NALF1: variants seen among roughly 807,000 people sequenced by gnomAD.
NALF1 encodes NALCN channel auxiliary factor 1.
In NALF1, 3 loss-of-function variants were observed where a neutral mutation model predicts 48.4. The ratio of observed to expected loss-of-function variants is 0.06; its 90% CI spans 0.03 to 0.16. NALF1 has a LOEUF of 0.16. Ranked by LOEUF, NALF1 falls within the 10% of genes least tolerant of loss-of-function variation. The pLI is 1.00. For missense variants in NALF1, 526 were observed against 571.5 expected (o/e 0.92, Z 0.81); for synonymous variants, 262 against 245.7 (o/e 1.07, Z -0.62).
At chr13:107,348,256 ATAATT>A (rs1306767627) in intron 1 of NALF1, among the ~76,000 whole-genome samples, 2 of 152,222 alleles carry the variant, frequency 1.3e-5, no homozygotes, top group African/African-American at 2.4e-5. Flanking sequence ...TATGGATCAA[ATAATT>A]TAATTTAGCT....
chr13:107,711,537 T>C (rs1875592270), intron 1 of NALF1, among the ~76,000 whole-genome samples: 1 of 152,194 alleles, frequency 6.6e-6, no homozygotes. Context: ...GGTTTCGCCA[T>C]GTTGGCCAGG....
intron 1 of NALF1, among the ~76,000 whole-genome samples, chr13:107,264,881 C>A (rs374711574): frequency 2.0e-5 from 3 of 152,182 alleles, no homozygotes; most frequent in African/African-American, 7.2e-5. Flanking sequence ...TCTAATTAAC[C>A]ATTCCATGAT....
At chr13:107,402,415 G>C (rs553518049) in intron 1 of NALF1, among the ~76,000 whole-genome samples, 18 of 152,282 alleles carry the variant, frequency 1.2e-4, no homozygotes, top group African/African-American at 4.3e-4. Flanking sequence ...TGCTGGCTTG[G>C]AGAGATCCAA....
chr13:107,837,577 G>A (rs1460966791), intron 1 of NALF1, among the ~76,000 whole-genome samples: 1 of 152,150 alleles, frequency 6.6e-6, no homozygotes, highest in Non-Finnish European at 1.5e-5. Context: ...GTCCTGAAAA[G>A]AGAGGGGAGA....
At chr13:107,599,379 G>A (rs371145648) in intron 1 of NALF1, among the ~76,000 whole-genome samples, 15 of 146,690 alleles carry the variant, frequency 1.0e-4, no homozygotes, top group Admixed American at 4.2e-4. Flanking sequence ...CCAAGATTGC[G>A]CCACTGCACT....
At chr13:107,785,095 CAT>C (rs764989379) in intron 1 of NALF1, among the ~76,000 whole-genome samples, 5 of 151,462 alleles carry the variant, frequency 3.3e-5, no homozygotes, top group South Asian at 2.1e-4. Flanking sequence ...TATACACACA[CAT>C]ATATATGTAT....
At chr13:107,677,769 T>C (rs1315279807) in intron 1 of NALF1, among the ~76,000 whole-genome samples, 1 of 152,172 alleles carries the variant, frequency 6.6e-6, no homozygotes, top group African/African-American at 2.4e-5. Context: ...TCAATGTATC[T>C]ATAGTCTGCG....
chr13:107,335,960 G>A lies in NALF1; in HGVS notation c.916-125205C>T, dbSNP rs564221643. Among the ~76,000 whole-genome samples, 3 of 151,982 alleles carry A rather than the reference G, an allele frequency of 2.0e-5. No homozygotes were observed. The South Asian group carries it at 6.2e-4, about 32-fold the overall frequency. On this transcript the variant is annotated intron_variant, in intron 1 of 2. Transcript: ENST00000375915. ...TTTCAGTTTTAGGAAATGCTTTTAA[G>A]TAATTCATTAAGCTAGTACGTCAGG...
At chr13:107,194,060 A>ATC (rs1566446917) in intron 2 of NALF1, among the ~76,000 whole-genome samples, 29 of 97,892 alleles carry the variant, frequency 3.0e-4, no homozygotes, top group African/African-American at 1.2e-3. Context: ...ATCTATCTAT[A>ATC]TATCAATCTA....
In NALF1 at chr13:107,381,627, A is replaced by G. The variant is rs370336209; in HGVS notation, c.916-170872T>C. 2.2e-4 allele frequency among the ~76,000 whole-genome samples: 33 copies of G among 152,048 alleles called. No individual in the cohort carries two copies. In the South Asian group the frequency reaches 6.9e-3, roughly 32 times the overall value. Reference sequence around the variant, plus strand: ...TCCAGATAAAAGGGCTGGGAATGATAGACGTTGGGGACTCCTGAATAATGG... The same window carrying G: ...TCCAGATAAAAGGGCTGGGAATGATGGACGTTGGGGACTCCTGAATAATGG... On this transcript the variant is annotated intron_variant, in intron 1 of 2. Coordinates refer to ENST00000375915, the MANE Select transcript of NALF1 (RefSeq NM_001080396.3).
chr13:107,490,092 T>C (rs570921747), intron 1 of NALF1, among the ~76,000 whole-genome samples: 1 of 152,128 alleles, frequency 6.6e-6, no homozygotes. Context: ...TCTGGCAAGG[T>C]TGTGGAGAAA....
intron 1 of NALF1, among the ~76,000 whole-genome samples, chr13:107,631,908 G>A (rs1393928045): frequency 6.6e-6 from 1 of 152,054 alleles, no homozygotes; most frequent in East Asian, 1.9e-4. Context: ...GCCTCTCTCT[G>A]ACTCTGTCTT....
intron 1 of NALF1, among the ~76,000 whole-genome samples, chr13:107,704,895 C>A (rs1416228817): frequency 1.3e-5 from 2 of 152,078 alleles, no homozygotes; most frequent in East Asian, 3.9e-4. Context: ...CTGTTTACTT[C>A]ATTACCTGTT....
intron 1 of NALF1, among the ~76,000 whole-genome samples, chr13:107,778,529 G>A (rs1462330271): frequency 6.6e-6 from 1 of 152,202 alleles, no homozygotes; most frequent in Non-Finnish European, 1.5e-5. Context: ...CAGAACTAAA[G>A]TCAATGGCTG....
chr13:107,244,566 C>T (rs928613295), intron 1 of NALF1, among the ~76,000 whole-genome samples: 1 of 152,154 alleles, frequency 6.6e-6, no homozygotes, highest in African/African-American at 2.4e-5. Flanking sequence ...TTTGGAGCTT[C>T]TGTGATTTGC....
rs184194033 is a variant in NALF1, at chr13:107,700,809, C to A, written c.915+164873G>T. Among the ~76,000 whole-genome samples the A allele has an allele frequency of 2.5e-3, 386 of 152,020 alleles. 4 individuals are homozygous for A. The highest frequency in any genetic ancestry group is 0.017 in the South Asian group (80 of 4,828). On this transcript the variant is annotated intron_variant, in intron 1 of 2. Coordinates refer to ENST00000375915, the MANE Select transcript of NALF1 (RefSeq NM_001080396.3). ...AGAAAAGCAAAACAAAACAAAAAAACCGATTTAAACATGGGCAAAGGACCT... is the reference window on the plus strand; with the variant it reads ...AGAAAAGCAAAACAAAACAAAAAAAACGATTTAAACATGGGCAAAGGACCT...
At chr13:107,766,940 T>C (rs979799912) in intron 1 of NALF1, among the ~76,000 whole-genome samples, 78 of 152,200 alleles carry the variant, frequency 5.1e-4, no homozygotes, top group African/African-American at 1.8e-3. Flanking sequence ...GTGATTTGTT[T>C]AAAATTTTAT....
chr13:107,495,561 G>A (rs1348524332), intron 1 of NALF1, among the ~76,000 whole-genome samples: 1 of 152,112 alleles, frequency 6.6e-6, no homozygotes, highest in African/African-American at 2.4e-5. Context: ...TAAGTGTCTT[G>A]TATACCCTGT....
At chr13:107,340,354 T>C (rs2138933499) in intron 1 of NALF1, among the ~76,000 whole-genome samples, 1 of 151,750 alleles carries the variant, frequency 6.6e-6, no homozygotes, top group Non-Finnish European at 1.5e-5. Context: ...TTAGCCCAGC[T>C]GGTCACAAAC....
Sources: gnomAD v4.1 joint callset for allele counts (sites outside exome capture counted in the v4.1 genomes callset) on GRCh38, gnomAD v4.1.1 for gene constraint, MANE v1.5 for transcripts, NCBI Gene and HGNC (gene_info 2026-07-23, HGNC 2026-07-21) for gene names.